The following PCDH15 variants were observed in gnomAD, a reference collection of about 807,000 sequenced individuals.
The protein encoded by PCDH15 is protocadherin-15.
PCDH15 carries 129 observed loss-of-function variants against 178.5 expected under a neutral mutation model. The ratio of observed to expected loss-of-function variants is 0.72; its 90% CI spans 0.63 to 0.84. The LOEUF (loss-of-function observed/expected upper bound fraction) is 0.84, where lower values mean the gene tolerates loss of function less well. Ranked by LOEUF, PCDH15 falls within the 40% of genes least tolerant of loss-of-function variation. The pLI, the probability that PCDH15 is intolerant of heterozygous loss-of-function variation, is 0.00. For missense variants in PCDH15, 2,230 were observed against 2,099.9 expected, an observed-to-expected ratio of 1.06 and a Z score of -1.21; for synonymous variants, 800 against 732.0, an observed-to-expected ratio of 1.09 and a Z score of -1.50.
chr10:54,974,021 C>CCT (rs1034122401), intron 2 of PCDH15, among the ~76,000 whole-genome samples: 3 of 147,942 alleles, frequency 2.0e-5, no homozygotes, highest in African/African-American at 7.5e-5. Flanking sequence ...TCATACTAGC[C>CCT]CTCTCTCTCT....
At chr10:54,909,015 A>G (rs954608656) in intron 2 of PCDH15, among the ~76,000 whole-genome samples, 4 of 152,006 alleles carry the variant, frequency 2.6e-5, no homozygotes, top group African/African-American at 9.7e-5. Flanking sequence ...CATCCCGACG[A>G]GTGTCCAGCT....
At chr10:55,147,815 TC>T (rs1254640679) in intron 2 of PCDH15, among the ~76,000 whole-genome samples, 1 of 127,416 alleles carries the variant, frequency 7.8e-6, no homozygotes, top group African/African-American at 2.7e-5. Flanking sequence ...ATGTTCCTCC[TC>T]CTTCTCCTCT....
intron 2 of PCDH15, among the ~76,000 whole-genome samples, chr10:55,164,320 T>C (rs1839141271): frequency 6.6e-6 from 1 of 151,982 alleles, no homozygotes; most frequent in African/African-American, 2.4e-5. Flanking sequence ...TTAAATATTC[T>C]TTTTGGTCAA....
intron 2 of PCDH15, among the ~76,000 whole-genome samples, chr10:55,031,132 TA>T (rs1200478459): frequency 1.8e-4 from 28 of 152,316 alleles, no homozygotes; most frequent in Middle Eastern, 3.4e-3. Context: ...GTTTAGTTGT[TA>T]AAGGCAGAAA....
chr10:55,293,484 C>T (rs1312669863), intron 1 of PCDH15, among the ~76,000 whole-genome samples: 2 of 152,158 alleles, frequency 1.3e-5, no homozygotes, highest in African/African-American at 2.4e-5. Context: ...TCTTTTCTAT[C>T]GCATTGTTAG....
intron 1 of PCDH15, among the ~76,000 whole-genome samples, chr10:55,298,097 C>G (rs939520431): frequency 9.2e-5 from 14 of 152,168 alleles, no homozygotes; most frequent in Admixed American, 1.3e-4. Context: ...GATTTCAACA[C>G]TTCACTCTTA....
chr10:54,282,954 G>GA (rs932153752), intron 8 of PCDH15, among the ~76,000 whole-genome samples: 45 of 151,940 alleles, frequency 3.0e-4, no homozygotes, highest in African/African-American at 1.0e-3. Flanking sequence ...CAAACAATTT[G>GA]AAAAAATAGT....
chr10:54,896,177 G>A (rs1473458053), intron 3 of PCDH15, among the ~76,000 whole-genome samples: 10 of 152,184 alleles, frequency 6.6e-5, no homozygotes, highest in East Asian at 3.9e-4. Context: ...TAGCCACCAC[G>A]CCCAGGAGTA....
At chr10:54,675,335 C>A (rs558209765) in intron 1 of PCDH15, among the ~76,000 whole-genome samples, 7 of 151,726 alleles carry the variant, frequency 4.6e-5, no homozygotes, top group Non-Finnish European at 1.0e-4. Flanking sequence ...TACTTTACTA[C>A]TTATTAATTT....
At chr10:53,809,044 T>C in intron 37 of PCDH15, 1 of 1,609,068 alleles carries the variant, frequency 6.2e-7, no homozygotes, top group Non-Finnish European at 8.5e-7. Context: ...CTTGACCTCC[T>C]CAACCATGGG....
At chr10:54,826,705 G>C (rs557520165) in intron 3 of PCDH15, among the ~76,000 whole-genome samples, 3 of 151,572 alleles carry the variant, frequency 2.0e-5, no homozygotes, top group Non-Finnish European at 2.9e-5. Context: ...AAGATTTCAA[G>C]CATGCCAAGA....
At chr10:55,456,318 G>A (rs954182954) in intron 2 of PCDH15, among the ~76,000 whole-genome samples, 4 of 152,044 alleles carry the variant, frequency 2.6e-5, no homozygotes, top group African/African-American at 9.7e-5. Context: ...GGAGAGGCGA[G>A]CAAGAAAAGT....
At chr10:54,307,969 T>C (rs528320162) in intron 8 of PCDH15, among the ~76,000 whole-genome samples, 119 of 152,198 alleles carry the variant, frequency 7.8e-4, no homozygotes, top group African/African-American at 2.7e-3. Context: ...TGGTAACTAG[T>C]TAAGCATGCT....
intron 1 of PCDH15, among the ~76,000 whole-genome samples, chr10:55,285,456 C>T (rs1842841847): frequency 6.6e-6 from 1 of 151,384 alleles, no homozygotes; most frequent in Non-Finnish European, 1.5e-5. Flanking sequence ...ATATATTTTC[C>T]ATTAATGGGC....
intron 3 of PCDH15, among the ~76,000 whole-genome samples, chr10:54,414,038 T>C (rs1362512960): frequency 1.3e-5 from 2 of 152,124 alleles, no homozygotes; most frequent in Non-Finnish European, 2.9e-5. Flanking sequence ...TACTACACAA[T>C]ATATACATAT....
chr10:54,383,280 A>C (rs949796476), intron 3 of PCDH15, among the ~76,000 whole-genome samples: 1 of 152,180 alleles, frequency 6.6e-6, no homozygotes, highest in Non-Finnish European at 1.5e-5. Context: ...AATATAAAAC[A>C]AAAAGAAGGC....
intron 1 of PCDH15, among the ~76,000 whole-genome samples, chr10:54,736,629 A>G (rs928028549): frequency 2.6e-5 from 4 of 152,122 alleles, no homozygotes; most frequent in Non-Finnish European, 5.9e-5. Context: ...TAGTTTTTGT[A>G]TGAGTTTAGT....
intron 2 of PCDH15, among the ~76,000 whole-genome samples, chr10:55,375,985 G>T (rs1260427220): frequency 6.6e-6 from 1 of 151,548 alleles, no homozygotes; most frequent in Non-Finnish European, 1.5e-5. Context: ...TATAAAAATA[G>T]TTAATATAAC....
intron 8 of PCDH15, among the ~76,000 whole-genome samples, chr10:54,304,953 C>T (rs2060374767): frequency 1.3e-5 from 2 of 151,884 alleles, no homozygotes; most frequent in Non-Finnish European, 2.9e-5. Context: ...CAAATCAAGT[C>T]GGTTTAGAGC....
Sources: gnomAD v4.1 joint callset for allele counts (sites outside exome capture counted in the v4.1 genomes callset) on GRCh38, gnomAD v4.1.1 for gene constraint, MANE v1.5 for transcripts, NCBI Gene and HGNC (gene_info 2026-07-23, HGNC 2026-07-21) for gene names.